The following STPG2 variants were observed in gnomAD, a reference collection of about 807,000 sequenced individuals.
STPG2 encodes sperm tail PG-rich repeat containing 2.
A neutral mutation model predicts 54.2 loss-of-function variants in STPG2; 56 were observed. That is an observed-to-expected ratio of 1.03 (90% CI 0.83 to 1.29). The LOEUF is 1.29. Among genes scored for constraint, STPG2 ranks in the 50% most tolerant of loss-of-function variants. The pLI is 0.00. For missense variants in STPG2, 596 were observed against 544.9 expected (o/e 1.09, Z -0.93); for synonymous variants, 200 against 181.8 (o/e 1.10, Z -0.81).
At chr4:98,131,710 G>A (rs1740002129) in intron 2 of STPG2, among the ~76,000 whole-genome samples, 1 of 151,982 alleles carries the variant, frequency 6.6e-6, no homozygotes, top group African/African-American at 2.4e-5. Flanking sequence ...TAATTATATA[G>A]CACCCAATGT....
At chr4:97,915,956 T>C (rs1331526170) in intron 8 of STPG2, among the ~76,000 whole-genome samples, 1 of 152,136 alleles carries the variant, frequency 6.6e-6, no homozygotes, top group Non-Finnish European at 1.5e-5. Flanking sequence ...TCACTGGTGA[T>C]AGCAGATGGG....
chr4:98,015,450 G>C (rs1404557497), intron 5 of STPG2, among the ~76,000 whole-genome samples: 1 of 151,894 alleles, frequency 6.6e-6, no homozygotes, highest in Non-Finnish European at 1.5e-5. Flanking sequence ...AACAAACATA[G>C]GAAAAAAAGT....
intron 4 of STPG2, among the ~76,000 whole-genome samples, chr4:97,482,074 G>T (rs970626627): frequency 1.3e-5 from 2 of 151,188 alleles, no homozygotes; most frequent in African/African-American, 4.8e-5. Context: ...TGGTCTTTTT[G>T]GTATCTTTTA....
At chr4:97,804,419 A>G (rs142177461) in intron 9 of STPG2, among the ~76,000 whole-genome samples, 1 of 152,208 alleles carries the variant, frequency 6.6e-6, no homozygotes, top group East Asian at 1.9e-4. Context: ...TTAGTTTTTA[A>G]CAACAACAAC....
chr4:97,815,972 T>C (rs1458703678), intron 9 of STPG2, among the ~76,000 whole-genome samples: 26 of 152,220 alleles, frequency 1.7e-4, no homozygotes, highest in African/African-American at 5.8e-4. Flanking sequence ...TGGTGGTTTG[T>C]TGCACCCATC....
chr4:98,074,055 TTTTC>T (rs1257667795), intron 5 of STPG2, among the ~76,000 whole-genome samples: 1 of 152,198 alleles, frequency 6.6e-6, no homozygotes, highest in Non-Finnish European at 1.5e-5. Context: ...TGGTATGTTC[TTTTC>T]TTTCAGTTCC....
intron 5 of STPG2, among the ~76,000 whole-genome samples, chr4:98,034,573 T>G (rs1367337797): frequency 6.6e-6 from 1 of 152,204 alleles, no homozygotes; most frequent in African/African-American, 2.4e-5. Flanking sequence ...ACCATTGACA[T>G]TCTTCACAGA....
At chr4:98,138,490 T>C (rs997171407) in intron 1 of STPG2, among the ~76,000 whole-genome samples, 2 of 152,022 alleles carry the variant, frequency 1.3e-5, no homozygotes, top group African/African-American at 4.8e-5. Flanking sequence ...AGAAAGAAGG[T>C]GGGCAGTATG....
intron 10 of STPG2, among the ~76,000 whole-genome samples, chr4:97,678,594 T>C (rs540763506): frequency 2.0e-5 from 3 of 151,326 alleles, no homozygotes; most frequent in African/African-American, 7.2e-5. Context: ...TTTATTTATT[T>C]TTTATTTTTT....
intron 10 of STPG2, among the ~76,000 whole-genome samples, chr4:97,647,479 G>A (rs1012678035): frequency 6.6e-6 from 1 of 152,074 alleles, no homozygotes; most frequent in Non-Finnish European, 1.5e-5. Flanking sequence ...TCCATCCTCT[G>A]CTTCCTCCTC....
intron 4 of STPG2, among the ~76,000 whole-genome samples, chr4:97,522,262 C>T (rs1731198873): frequency 6.6e-6 from 1 of 151,974 alleles, no homozygotes. Flanking sequence ...CATTAAAACA[C>T]ATCTTAGCAT....
intron 9 of STPG2, among the ~76,000 whole-genome samples, chr4:97,750,315 A>G (rs1578533048): frequency 6.6e-6 from 1 of 151,986 alleles, no homozygotes; most frequent in Admixed American, 6.6e-5. Flanking sequence ...ACAACTACTT[A>G]GCCCTCAAGA....
At chr4:97,967,742 C>A (rs1481842625) in intron 7 of STPG2, among the ~76,000 whole-genome samples, 2 of 152,170 alleles carry the variant, frequency 1.3e-5, no homozygotes, top group Non-Finnish European at 2.9e-5. Flanking sequence ...AACTGAACAA[C>A]CTGCTCCTGA....
At chr4:97,766,063 A>G (rs537851373) in intron 9 of STPG2, among the ~76,000 whole-genome samples, 9 of 152,120 alleles carry the variant, frequency 5.9e-5, no homozygotes, top group Non-Finnish European at 1.3e-4. Flanking sequence ...GGAGGTACTG[A>G]TAGCTCAATA....
intron 8 of STPG2, among the ~76,000 whole-genome samples, chr4:97,865,633 T>C (rs962717616): frequency 6.6e-6 from 1 of 151,152 alleles, no homozygotes; most frequent in South Asian, 2.1e-4. Context: ...TTCTCACTCA[T>C]AGGTGGGAAT....
chr4:97,747,167 A>G (rs1560512574), intron 9 of STPG2, among the ~76,000 whole-genome samples: 2 of 151,392 alleles, frequency 1.3e-5, no homozygotes, highest in African/African-American at 2.4e-5. Context: ...ACAGCAAGGG[A>G]TAAGAGACAT....
intron 8 of STPG2, among the ~76,000 whole-genome samples, chr4:97,894,802 A>T (rs1337374196): frequency 6.6e-6 from 1 of 151,964 alleles, no homozygotes. Flanking sequence ...GGTCTCAACA[A>T]TAGCTGTCAG....
intron 3 of STPG2, among the ~76,000 whole-genome samples, chr4:98,120,071 TTTTTTGTTTTTG>T (rs143047805): frequency 0.013 from 1,928 of 152,138 alleles, 33 homozygotes; most frequent in African/African-American, 0.044. Context: ...TTCATGCATT[TTTTTTGTTTTTG>T]TTTTTGTTTT....
At chr4:97,602,259 C>T (rs1018642044) in intron 10 of STPG2, among the ~76,000 whole-genome samples, 1 of 151,664 alleles carries the variant, frequency 6.6e-6, no homozygotes, top group Non-Finnish European at 1.5e-5. Flanking sequence ...CCATATTTCA[C>T]CAAATCTAAT....
Sources: gnomAD v4.1 joint callset for allele counts (sites outside exome capture counted in the v4.1 genomes callset) on GRCh38, gnomAD v4.1.1 for gene constraint, MANE v1.5 for transcripts, NCBI Gene and HGNC (gene_info 2026-07-23, HGNC 2026-07-21) for gene names.